Variants in RFX3 observed in about 807,000 individuals in gnomAD.
The protein encoded by RFX3 is transcription factor RFX3.
RFX3 carries 14 observed loss-of-function variants against 98.6 expected under a neutral mutation model. The ratio of observed to expected loss-of-function variants is 0.14; its 90% confidence interval spans 0.09 to 0.22. RFX3 has a LOEUF of 0.22. Among genes scored for constraint, RFX3 ranks in the 10% least tolerant of loss-of-function variants. The probability of loss-of-function intolerance (pLI) is 1.00; values close to 1 mark genes in which losing one functional copy is unlikely to be tolerated. For missense variants in RFX3, 639 were observed against 926.9 expected (o/e 0.69, Z 4.03); for synonymous variants, 383 against 328.4 (o/e 1.17, Z -1.80).
At chr9:3,239,873 C>T (rs990849746) in intron 15 of RFX3, among the ~76,000 whole-genome samples, 1 of 152,176 alleles carries the variant, frequency 6.6e-6, no homozygotes, top group Non-Finnish European at 1.5e-5. Context: ...ATCTGAGACC[C>T]TAGAATTCCC....
chr9:3,448,846 A>C lies in RFX3; in HGVS notation c.-8-53250T>G, dbSNP rs550533976. ...TAACCCACATTTTTAAACTGCAATAAACTACCTAAATCTAAATGTAACAAT... is the reference window on the plus strand; with the variant it reads ...TAACCCACATTTTTAAACTGCAATACACTACCTAAATCTAAATGTAACAAT... On this transcript the variant is annotated intron_variant, in intron 1 of 16. Transcript: ENST00000617270. 6.6e-5 allele frequency among the ~76,000 whole-genome samples: 10 copies of C among 152,262 alleles called. No homozygotes were observed. In the East Asian group the frequency reaches 1.7e-3, roughly 26 times the overall value.
intron 1 of RFX3, among the ~76,000 whole-genome samples, chr9:3,457,845 A>C (rs1847332748): frequency 6.6e-6 from 1 of 152,138 alleles, no homozygotes; most frequent in Non-Finnish European, 1.5e-5. Context: ...AAGATGCCTG[A>C]GATCTATCTA....
rs1283291866 is a variant in RFX3 at position 3,415,048 on chromosome 9, T to TTA, written c.-8-19454_-8-19453dup. On this transcript the variant is annotated intron_variant, in intron 1 of 16. Transcript: ENST00000617270. Reference sequence around the variant, plus strand: ...TATATATTTACTTTTATATATATACTTATATATATACTCATATATAAGTAT... The same window carrying TTA: ...TATATATTTACTTTTATATATATACTTATATATATATACTCATATATAAGTAT... 8.8e-5 allele frequency among the ~76,000 whole-genome samples: 11 copies of TTA among 125,294 alleles called. No homozygotes were observed. The East Asian group carries it at 2.1e-3, about 24-fold the overall frequency. 82.2% of individuals were successfully genotyped at this position (125,294 alleles called of 152,430 possible).
At chr9:3,282,820 G>A (rs1826084270) in intron 7 of RFX3, among the ~76,000 whole-genome samples, 1 of 151,726 alleles carries the variant, frequency 6.6e-6, no homozygotes, top group East Asian at 1.9e-4. Context: ...GGCAACTGAG[G>A]TTCTATCTAG....
At chr9:3,375,960 CAAA>C (rs57885986) in intron 2 of RFX3, among the ~76,000 whole-genome samples, 17 of 135,440 alleles carry the variant, frequency 1.3e-4, no homozygotes, top group Middle Eastern at 3.6e-3. Flanking sequence ...ACTCCATCTC[CAAA>C]AAAAAAAAAT....
At chr9:3,417,983 A>C (rs970355484) in intron 1 of RFX3, among the ~76,000 whole-genome samples, 1 of 152,216 alleles carries the variant, frequency 6.6e-6, no homozygotes, top group African/African-American at 2.4e-5. Flanking sequence ...GCAGATATAG[A>C]TTCTACAAAA....
chr9:3,469,238 T>C (rs1417518753), intron 1 of RFX3: 3 of 453,116 alleles, frequency 6.6e-6, no homozygotes, highest in African/African-American at 2.0e-5. Context: ...GTGTTCAATG[T>C]AGGAACACAA....
At chr9:3,352,915 C>T (rs1587260725) in intron 2 of RFX3, among the ~76,000 whole-genome samples, 1 of 152,090 alleles carries the variant, frequency 6.6e-6, no homozygotes, top group South Asian at 2.1e-4. Context: ...TATTGCGGCA[C>T]TATTCACAAT....
At chr9:3,346,034 C>T (rs531914427) in intron 3 of RFX3, among the ~76,000 whole-genome samples, 9 of 152,236 alleles carry the variant, frequency 5.9e-5, no homozygotes, top group African/African-American at 2.2e-4. Flanking sequence ...GGAAACAATC[C>T]TTGCGACTTA....
chr9:3,357,047 G>GA (rs898218291), intron 2 of RFX3, among the ~76,000 whole-genome samples: 11 of 150,730 alleles, frequency 7.3e-5, no homozygotes, highest in Admixed American at 2.0e-4. Flanking sequence ...AGCATCTATA[G>GA]AAAAAAATAC....
chr9:3,260,143 A>C lies in RFX3; in HGVS notation c.1605+2792T>G, dbSNP rs147270957. ...TATGTACAGAGCTGTGAAAAGTAAA[A>C]TGTAGGGGGAAATGAAGGGCTCACT... On this transcript the variant is annotated intron_variant, in intron 13 of 16. Transcript: ENST00000617270. Among the ~76,000 whole-genome samples, 936 of 152,188 alleles carry C rather than the reference A, an allele frequency of 6.2e-3. 3 individuals are homozygous for C. Among genetic ancestry groups the C allele is most frequent in the Non-Finnish European group, 1.0e-2 (676 of 67,928 alleles).
At chr9:3,361,664 A>G (rs1836470571) in intron 2 of RFX3, among the ~76,000 whole-genome samples, 1 of 147,124 alleles carries the variant, frequency 6.8e-6, no homozygotes. Context: ...TCTTTAGGAA[A>G]AAAAAAAAAA....
chr9:3,230,117 T>C (rs574765352), intron 15 of RFX3, among the ~76,000 whole-genome samples: 2 of 152,164 alleles, frequency 1.3e-5, no homozygotes, highest in African/African-American at 4.8e-5. Flanking sequence ...CTGGGATGAT[T>C]TGACTACTCA....
chr9:3,496,508 T>C (rs941420103), intron 1 of RFX3, among the ~76,000 whole-genome samples: 13 of 151,974 alleles, frequency 8.6e-5, no homozygotes. Flanking sequence ...TGCAAAACTC[T>C]CCTCATATCC....
chr9:3,290,681 A>G (rs1827223706), intron 6 of RFX3, among the ~76,000 whole-genome samples: 1 of 152,212 alleles, frequency 6.6e-6, no homozygotes, highest in Admixed American at 6.5e-5. Context: ...TATCTTTTGA[A>G]GTACAGAAAG....
chr9:3,266,663 A>G (rs184725889), intron 11 of RFX3, among the ~76,000 whole-genome samples: 3 of 152,162 alleles, frequency 2.0e-5, no homozygotes, highest in Non-Finnish European at 1.5e-5. Context: ...GCTAAAGGCT[A>G]TGTATTTTCT....
rs144020831 is a variant in RFX3, at chr9:3,259,920, T to C, written c.1606-2721A>G. The stretch of plus-strand genomic sequence containing the variant: ...TAGAAGTCTCCTTATTACAAGAGCA[T>C]CATTCTTATATTGTCAGATTATTGA... On this transcript the variant is annotated intron_variant, in intron 13 of 16. Coordinates refer to ENST00000617270, the MANE Select transcript of RFX3 (RefSeq NM_001282116.2). Among the ~76,000 whole-genome samples, 681 of 152,194 alleles carry C rather than the reference T, an allele frequency of 4.5e-3. 5 individuals carry two copies. The highest frequency in any genetic ancestry group is 6.6e-3 in the Admixed American group (101 of 15,278).
chr9:3,233,757 G>A (rs898854901), intron 15 of RFX3, among the ~76,000 whole-genome samples: 2 of 152,176 alleles, frequency 1.3e-5, no homozygotes, highest in African/African-American at 4.8e-5. Flanking sequence ...AAGCAAATCT[G>A]TAACAAGTTC....
intron 1 of RFX3, among the ~76,000 whole-genome samples, chr9:3,417,688 T>C (rs74328675): frequency 6.6e-6 from 1 of 152,012 alleles, no homozygotes; most frequent in Non-Finnish European, 1.5e-5. Flanking sequence ...AGAAAAAGAA[T>C]TAAATGACTA....
Sources: allele counts gnomAD v4.1 joint callset (sites outside exome capture counted in the v4.1 genomes callset), GRCh38; gene constraint gnomAD v4.1.1; transcripts MANE v1.5; gene names NCBI Gene and HGNC (gene_info 2026-07-23, HGNC 2026-07-21).